Variants in RASAL2 observed in about 807,000 individuals in gnomAD.
The protein encoded by RASAL2 is RAS protein activator like 2, also known as ras GTPase-activating protein nGAP.
RASAL2 carries 58 observed loss-of-function variants against 128.9 expected under a neutral mutation model. That is an observed-to-expected ratio of 0.45 (90% confidence interval 0.36 to 0.56). RASAL2 has a LOEUF of 0.56. Among genes scored for constraint, RASAL2 ranks in the 20% least tolerant of loss-of-function variants. RASAL2 has a pLI of 0.00. For missense variants in RASAL2, 1,360 were observed against 1,601.6 expected (o/e 0.85, Z 2.57); for synonymous variants, 561 against 580.8 (o/e 0.97, Z 0.49).
rs184023022 is a variant in RASAL2 at position 178,381,048 on chromosome 1, G to C, written c.458-9052G>C. On this transcript the variant is annotated intron_variant, in intron 3 of 17. Coordinates refer to ENST00000367649, the MANE Select transcript of RASAL2 (RefSeq NM_170692.4). ...GCAGATATGTAGGTGAAAAAAGCAG[G>C]CATGTGAGAATGAATGTGGCCAGTT... is the stretch of plus-strand genomic sequence containing the variant. Among the ~76,000 whole-genome samples the C allele has an allele frequency of 6.6e-5, 10 of 152,290 alleles. No individual in the cohort carries two copies. In the East Asian group the frequency reaches 1.9e-3, roughly 29 times the overall value.
intron 5 of RASAL2, among the ~76,000 whole-genome samples, chr1:178,425,191 T>C (rs1456670463): frequency 6.6e-6 from 1 of 152,158 alleles, no homozygotes; most frequent in African/African-American, 2.4e-5. Flanking sequence ...AGAACTTTCC[T>C]TGGAATGGAA....
chr1:178,115,920 T>G (rs926094425), intron 1 of RASAL2, among the ~76,000 whole-genome samples: 3 of 152,036 alleles, frequency 2.0e-5, no homozygotes, highest in Admixed American at 6.6e-5. Context: ...TTGGGAGAGA[T>G]AGAGAGATGT....
At chr1:178,119,400 G>A (rs1305006421) in intron 1 of RASAL2, among the ~76,000 whole-genome samples, 1 of 152,164 alleles carries the variant, frequency 6.6e-6, no homozygotes, top group African/African-American at 2.4e-5. Flanking sequence ...ACTTTAACGT[G>A]GTTGATAATT....
chr1:178,281,165 A>G (rs1189637214), intron 1 of RASAL2, among the ~76,000 whole-genome samples: 10 of 152,174 alleles, frequency 6.6e-5, no homozygotes, highest in Non-Finnish European at 5.9e-5. Context: ...AAAATGACCA[A>G]AAATGGGCAT....
intron 5 of RASAL2, among the ~76,000 whole-genome samples, chr1:178,423,052 A>G (rs1026002122): frequency 1.3e-5 from 2 of 152,116 alleles, no homozygotes; most frequent in Non-Finnish European, 2.9e-5. Context: ...GTTTTCATAT[A>G]AATGGGATCA....
intron 1 of RASAL2, among the ~76,000 whole-genome samples, chr1:178,190,257 G>A (rs1023952070): frequency 7.0e-6 from 1 of 142,232 alleles, no homozygotes; most frequent in Non-Finnish European, 1.5e-5. Context: ...GTTTTCTTAC[G>A]TATATGTCTA....
At position 178,442,906 on chromosome 1, in the gene RASAL2, A is replaced by G; in HGVS notation, c.1159A>G (p.Lys387Glu). 6.2e-7 allele frequency: 1 copy of G among 1,613,548 alleles called. No homozygotes were observed. Among genetic ancestry groups the G allele is most frequent in the Non-Finnish European group, 8.5e-7 (1 of 1,179,772 alleles). Residue 387 changes from lysine to glutamate, a missense_variant, in exon 8 of 18, where the codon AAA becomes GAA. Coordinates refer to ENST00000367649, the MANE Select transcript of RASAL2 (RefSeq NM_170692.4). ...VHIYKDVEKK[K>E]KKDKNNYVGL... ...CATTTACAAGGATGTGGAAAAAAAG[A>G]AAAAAAAGGACAAGAATAATTATGT...
At chr1:178,193,122 C>A (rs1662546868) in intron 1 of RASAL2, among the ~76,000 whole-genome samples, 1 of 152,278 alleles carries the variant, frequency 6.6e-6, no homozygotes, top group Admixed American at 6.5e-5. Flanking sequence ...GAACTCATCC[C>A]AAAATTTTCA....
intron 3 of RASAL2, among the ~76,000 whole-genome samples, chr1:178,374,112 C>G (rs1671867308): frequency 6.6e-6 from 1 of 152,122 alleles, no homozygotes; most frequent in Non-Finnish European, 1.5e-5. Flanking sequence ...AGGATTGAAG[C>G]TCTCTCCTGA....
At chr1:178,228,513 C>T (rs1470823793) in intron 1 of RASAL2, among the ~76,000 whole-genome samples, 1 of 151,976 alleles carries the variant, frequency 6.6e-6, no homozygotes, top group South Asian at 2.1e-4. Flanking sequence ...ACTGGGGAGG[C>T]GGAGGTTGCA....
intron 4 of RASAL2, among the ~76,000 whole-genome samples, chr1:178,398,949 G>GT (rs61664054): frequency 0.047 from 7,148 of 152,256 alleles, 556 homozygotes; most frequent in African/African-American, 0.16. Flanking sequence ...GACCAGTGCA[G>GT]TACACAGGGC....
At chr1:178,097,232 A>G (rs1571466452) in intron 1 of RASAL2, among the ~76,000 whole-genome samples, 1 of 152,196 alleles carries the variant, frequency 6.6e-6, no homozygotes, top group African/African-American at 2.4e-5. Flanking sequence ...CTGGGCAGGT[A>G]GTTTTAACTC....
chr1:178,277,838 A>G (rs1666598007), intron 1 of RASAL2, among the ~76,000 whole-genome samples: 1 of 152,216 alleles, frequency 6.6e-6, no homozygotes, highest in South Asian at 2.1e-4. Context: ...TGAATGAAAC[A>G]TTAGAGTTTG....
chr1:178,326,490 T>C (rs1237575198), intron 3 of RASAL2, among the ~76,000 whole-genome samples: 1 of 152,220 alleles, frequency 6.6e-6, no homozygotes, highest in Non-Finnish European at 1.5e-5. Context: ...TATTTCAGAA[T>C]TGATTATTGT....
intron 1 of RASAL2, among the ~76,000 whole-genome samples, chr1:178,158,056 G>C (rs1661142752): frequency 6.6e-6 from 1 of 152,154 alleles, no homozygotes; most frequent in Admixed American, 6.5e-5. Flanking sequence ...TATTTTGACT[G>C]CTTTGTTATG....
At chr1:178,147,134 T>G (rs1199444628) in intron 1 of RASAL2, among the ~76,000 whole-genome samples, 2 of 152,208 alleles carry the variant, frequency 1.3e-5, no homozygotes, top group Non-Finnish European at 2.9e-5. Flanking sequence ...TTTGAACTTT[T>G]ATATTTAGAG....
At chr1:178,141,817 CA>C (rs1660544337) in intron 1 of RASAL2, among the ~76,000 whole-genome samples, 1 of 152,016 alleles carries the variant, frequency 6.6e-6, no homozygotes, top group South Asian at 2.1e-4. Flanking sequence ...ACAAACTTAA[CA>C]AGGAGGTTAA....
At chr1:178,154,158 T>A (rs572677790) in intron 1 of RASAL2, among the ~76,000 whole-genome samples, 43 of 150,370 alleles carry the variant, frequency 2.9e-4, no homozygotes, top group East Asian at 5.8e-4. Flanking sequence ...TTTTTTTTTT[T>A]ATTAAAGAGA....
At chr1:178,332,882 G>A (rs1040620715) in intron 3 of RASAL2, among the ~76,000 whole-genome samples, 4 of 151,952 alleles carry the variant, frequency 2.6e-5, no homozygotes, top group Admixed American at 1.3e-4. Context: ...GATTACAGGC[G>A]TGAGCCACTG....
Sources: gnomAD v4.1 joint callset for allele counts (sites outside exome capture counted in the v4.1 genomes callset) on GRCh38, gnomAD v4.1.1 for gene constraint, MANE v1.5 for transcripts, NCBI Gene and HGNC (gene_info 2026-07-23, HGNC 2026-07-21) for gene names.